Variants in NARF observed in about 807,000 individuals in gnomAD.
NARF encodes nuclear prelamin A recognition factor.
NARF carries 41 observed loss-of-function variants against 48.0 expected under a neutral mutation model. That is an observed-to-expected ratio of 0.85 (90% CI 0.66 to 1.11). NARF has a LOEUF of 1.11. Ranked by LOEUF, NARF falls within the 50% of genes least tolerant of loss-of-function variation. The pLI is 0.00. For synonymous variants in NARF, 215 were observed against 225.5 expected, an observed-to-expected ratio of 0.95 and a Z score of 0.42; for missense variants, 613 against 590.2, an observed-to-expected ratio of 1.04 and a Z score of -0.40.
intron 10 of NARF, among the ~76,000 whole-genome samples, chr17:82,487,247 G>A (rs1485992485): frequency 1.3e-5 from 2 of 151,250 alleles, no homozygotes; most frequent in Non-Finnish European, 3.0e-5. Context: ...ACTTTGGGAG[G>A]CCGAGGTGGT....
At chr17:82,467,400 T>C (rs1298085619) in intron 3 of NARF, among the ~76,000 whole-genome samples, 1 of 150,512 alleles carries the variant, frequency 6.6e-6, no homozygotes, top group African/African-American at 2.5e-5. Context: ...ATCTAGTTTA[T>C]GCTAGTTTAT....
intron 3 of NARF, among the ~76,000 whole-genome samples, chr17:82,464,655 G>A (rs2043520241): frequency 6.6e-6 from 1 of 152,250 alleles, no homozygotes; most frequent in Non-Finnish European, 1.5e-5. Context: ...GTGGTGGGGG[G>A]CTGGCATCAC....
At chr17:82,459,214 C>T in intron 1 of NARF, 1 of 1,026,570 alleles carries the variant, frequency 9.7e-7, no homozygotes, top group South Asian at 4.6e-5. Flanking sequence ...CACCGAGCAG[C>T]CGGTGCAGGG....
chr17:82,474,232 T>C (rs567074134), intron 5 of NARF, among the ~76,000 whole-genome samples: 10 of 152,248 alleles, frequency 6.6e-5, no homozygotes, highest in African/African-American at 2.2e-4. Flanking sequence ...GATGTACAAA[T>C]AATTATGGAA....
rs373320633 is a variant in NARF at position 82,478,780 on chromosome 17, T to C, written c.521-20T>C. 2.5e-6 allele frequency: 4 copies of C among 1,607,194 alleles called. No homozygotes were observed. The African/African-American group carries it at 5.3e-5, about 21-fold the overall frequency. ...AGAGGAAGCAGTAAGGAGCTGACCG[T>C]GGATCCCTTCTCTCCCCAGGCTGGG... On this transcript the variant is annotated intron_variant, in intron 5 of 10. Transcript: ENST00000309794.
Position 82,485,550 on chromosome 17 carries a change from G to C in NARF, c.1025G>C (p.Arg342Pro). Residue 342 changes from arginine (R) to proline (P), a missense_variant, in exon 10 of 11, where the codon CGC (arginine) becomes CCC (proline). Transcript: ENST00000309794. ...GAGAAGAACGGAGAGGTGGTGTTACGCTTTGCTGCAGCCTATGGCTTTCGA... is the reference window on the plus strand; with the variant it reads ...GAGAAGAACGGAGAGGTGGTGTTACCCTTTGCTGCAGCCTATGGCTTTCGA... ...TLEKNGEVVL[R>P]FAAAYGFRNI... is the part of the protein sequence containing the mutation. 6.2e-7 allele frequency: 1 copy of C among 1,614,248 alleles called. No homozygotes were observed. The highest frequency in any genetic ancestry group is 8.5e-7 in the Non-Finnish European group (1 of 1,180,046).
chr17:82,461,966 G>A (rs990503797), intron 2 of NARF, among the ~76,000 whole-genome samples: 3 of 152,168 alleles, frequency 2.0e-5, no homozygotes, highest in African/African-American at 7.2e-5. Context: ...TTGGAGCCCT[G>A]GAGGCAGCTG....
At chr17:82,484,627 G>C (rs1483967088) in intron 8 of NARF, 186 bp from the exon 9 acceptor site, 2 of 597,344 alleles carry the variant, frequency 3.3e-6, no homozygotes, top group Non-Finnish European at 5.3e-6. Flanking sequence ...CGAGCATCAG[G>C]CAGGCCCTCC....
intron 3 of NARF, among the ~76,000 whole-genome samples, chr17:82,466,956 G>A (rs997475423): frequency 6.6e-6 from 1 of 151,524 alleles, no homozygotes; most frequent in South Asian, 2.1e-4. Flanking sequence ...GCCTCCCAAA[G>A]TGCTGGGATT....
At chr17:82,459,163 G>C (rs914546948) in intron 1 of NARF, 2 of 1,121,226 alleles carry the variant, frequency 1.8e-6, no homozygotes, top group African/African-American at 3.3e-5. Flanking sequence ...GAAGCGTTTC[G>C]AGAGGGTTTT....
intron 5 of NARF, among the ~76,000 whole-genome samples, chr17:82,473,310 T>TTG (rs2043757945): frequency 6.7e-6 from 1 of 150,306 alleles, no homozygotes; most frequent in Non-Finnish European, 1.5e-5. Flanking sequence ...TTTTTTTTTT[T>TTG]TGGAGACGGA....
chr17:82,469,583 GT>G (rs1056513350), intron 4 of NARF, among the ~76,000 whole-genome samples: 22 of 151,634 alleles, frequency 1.5e-4, no homozygotes, highest in Non-Finnish European at 1.2e-4. Context: ...CAAATAAGAG[GT>G]TTTTTTTGTT....
Position 82,478,979 on chromosome 17 carries a change from C to T in NARF, c.639+61C>T. 1.3e-6 allele frequency: 2 copies of T among 1,499,484 alleles called. 1 individual carries two copies. Among genetic ancestry groups the T allele is most frequent in the South Asian group, 2.4e-5 (2 of 83,460 alleles). 92.9% of individuals were successfully genotyped at this position (1,499,484 alleles called of 1,614,324 possible). ...TGAGGGAGGACCATGGCACAGGGGCCCAGGAAGGGGAGGTTCCCCATCTGT... is the reference window on the plus strand; with the variant it reads ...TGAGGGAGGACCATGGCACAGGGGCTCAGGAAGGGGAGGTTCCCCATCTGT... On this transcript the variant is annotated intron_variant, in intron 6 of 10. Transcript: ENST00000309794.
Position 82,488,017 on chromosome 17 carries a change from C to T in NARF, c.1231C>T (p.Arg411Cys), listed in dbSNP as rs777943174. The T allele has an allele frequency of 2.4e-5, 39 of 1,614,198 alleles. No homozygotes were observed. The highest frequency in any genetic ancestry group is 1.8e-4 in the East Asian group (8 of 44,890). The change falls in exon 11 of 11, where the codon CGT becomes TGT. Residue 411 changes from arginine to cysteine, a missense_variant. Physicochemically the swap from Arg to Cys is radical, Grantham distance 180 (BLOSUM62 -3). Transcript: ENST00000309794. Reference sequence around the variant, plus strand: ...CATTTACGCTGACATCCCTGTGCGGCGTCCGGAGTCCAGTGCACACGTGCA... The same window carrying T: ...CATTTACGCTGACATCCCTGTGCGGTGTCCGGAGTCCAGTGCACACGTGCA... ...EGIYADIPVRRPESSAHVQEL... is the reference protein window; with the variant it reads ...EGIYADIPVRCPESSAHVQEL...
At chr17:82,473,842 G>A (rs2380125) in intron 5 of NARF, among the ~76,000 whole-genome samples, 35,998 of 152,074 alleles carry the variant, frequency 0.24, 4,917 homozygotes, top group East Asian at 0.67. Context: ...ACAGACATGA[G>A]CCACCACACC....
At chr17:82,477,675 T>A (rs1331144058) in intron 5 of NARF, 2 of 152,102 alleles carry the variant, frequency 1.3e-5, no homozygotes, top group African/African-American at 2.4e-5. Flanking sequence ...CCACCACGCC[T>A]GGATGATTTT....
chr17:82,481,098 A>C lies in NARF; in HGVS notation c.656A>C (p.Lys219Thr), dbSNP rs1331218719. ...FARQQNLSPE[K>T]IFHVIVAPCY... is the part of the protein sequence containing the mutation. ...CTCCCACAGAACCTGTCTCCAGAGA[A>C]GATTTTCCACGTCATTGTGGCCCCT... The change falls in exon 7 of 11, where the codon AAG (lysine) becomes ACG (threonine). Residue 219 changes from lysine (K) to threonine (T), a missense_variant. Transcript: ENST00000309794. The C allele has an allele frequency of 6.2e-7, 1 of 1,614,094 alleles. No individual in the cohort carries two copies. The highest frequency in any genetic ancestry group is 2.2e-5 in the East Asian group (1 of 44,876).
chr17:82,478,985 A>C (rs1323613669), intron 6 of NARF, 67 bp downstream of exon 6: 12 of 1,469,556 alleles, frequency 8.2e-6, no homozygotes, highest in Non-Finnish European at 1.1e-5. Context: ...GGGCCCAGGA[A>C]GGGGAGGTTC....
intron 6 of NARF, 110 bp from the exon 7 acceptor site, chr17:82,480,972 A>G (rs2143935336): frequency 3.6e-6 from 4 of 1,100,436 alleles, no homozygotes; most frequent in Non-Finnish European, 1.3e-6. Context: ...CAGTGTCTGG[A>G]GGGCAGCAGC....
Sources: gnomAD v4.1 joint callset for allele counts (sites outside exome capture counted in the v4.1 genomes callset) on GRCh38, gnomAD v4.1.1 for gene constraint, MANE v1.5 for transcripts, NCBI Gene and HGNC (gene_info 2026-07-23, HGNC 2026-07-21) for gene names.